The following GRM8 variants were observed in gnomAD, a reference collection of about 807,000 sequenced individuals.
GRM8 encodes the protein glutamate metabotropic receptor 8, also known as metabotropic glutamate receptor 8.
In GRM8, 47 loss-of-function variants were observed where a neutral mutation model predicts 87.2. That is an observed-to-expected ratio of 0.54 (90% CI 0.43 to 0.69). The LOEUF (loss-of-function observed/expected upper bound fraction) is 0.69, where lower values mean the gene tolerates loss of function less well. Among genes scored for constraint, GRM8 ranks in the 30% least tolerant of loss-of-function variants. GRM8 has a pLI of 0.00. For synonymous variants in GRM8, 396 were observed against 404.5 expected (o/e 0.98, Z 0.25); for missense variants, 1,019 against 1,139.2 (o/e 0.89, Z 1.52).
intron 6 of GRM8, among the ~76,000 whole-genome samples, chr7:126,844,279 T>C (rs1281344649): frequency 6.6e-6 from 1 of 152,196 alleles, no homozygotes; most frequent in Admixed American, 6.5e-5. Flanking sequence ...CCAAATTATT[T>C]AGCCCTTTCA....
rs140085929 is a variant in GRM8 at position 126,520,414 on chromosome 7, G to A, written c.2430+12538C>T. On this transcript the variant is annotated intron_variant, in intron 9 of 10. Transcript: ENST00000339582. Reference sequence around the variant, plus strand: ...GGTTTTGGATTGCTTTCTGATCCCAGTTTTGGATTGTTTTAGTTCACATTT... The same window carrying A: ...GGTTTTGGATTGCTTTCTGATCCCAATTTTGGATTGTTTTAGTTCACATTT... Among the ~76,000 whole-genome samples, 42 of 152,160 alleles carry A rather than the reference G, an allele frequency of 2.8e-4. No individual in the cohort carries two copies. In the East Asian group the frequency reaches 6.8e-3, roughly 24 times the overall value.
Position 126,488,825 on chromosome 7 carries a change from A to C in GRM8, c.2431-42453T>G, listed in dbSNP as rs555080976. On this transcript the variant is annotated intron_variant, in intron 9 of 10. Transcript: ENST00000339582. ...CTGCACAGTTATGCATATGATAATGATGATAATATCTTGAATTTTATAAAT... is the reference window on the plus strand; with the variant it reads ...CTGCACAGTTATGCATATGATAATGCTGATAATATCTTGAATTTTATAAAT... 1.1e-3 allele frequency among the ~76,000 whole-genome samples: 166 copies of C among 152,134 alleles called. 1 individual carries two copies. The highest frequency in any genetic ancestry group is 3.8e-3 in the African/African-American group (156 of 41,566).
intron 3 of GRM8, among the ~76,000 whole-genome samples, chr7:126,925,182 T>C (rs1401795137): frequency 6.6e-6 from 1 of 152,212 alleles, no homozygotes; most frequent in African/African-American, 2.4e-5. Context: ...GGATTTCTTC[T>C]ATTTTTCTGC....
intron 3 of GRM8, among the ~76,000 whole-genome samples, chr7:126,985,514 CAGAAT>C (rs1811967822): frequency 6.6e-6 from 1 of 152,164 alleles, no homozygotes. Context: ...TTGCTTATAA[CAGAAT>C]ACCTGAAACT....
At chr7:126,825,647 A>C (rs1794693858) in intron 6 of GRM8, among the ~76,000 whole-genome samples, 1 of 152,174 alleles carries the variant, frequency 6.6e-6, no homozygotes, top group South Asian at 2.1e-4. Flanking sequence ...ACCAAGAAAA[A>C]AAGTTGTAAC....
chr7:126,525,402 T>C (rs1813678800), intron 9 of GRM8, among the ~76,000 whole-genome samples: 1 of 152,226 alleles, frequency 6.6e-6, no homozygotes, highest in Non-Finnish European at 1.5e-5. Context: ...CCTCACATAA[T>C]TCCCATTTTT....
chr7:127,037,404 G>C (rs941732965), intron 3 of GRM8, among the ~76,000 whole-genome samples: 1 of 152,090 alleles, frequency 6.6e-6, no homozygotes, highest in African/African-American at 2.4e-5. Flanking sequence ...CCAAGGAAGA[G>C]CCCAGGTCTC....
At chr7:126,511,136 T>G (rs1811312681) in intron 9 of GRM8, 1 of 152,086 alleles carries the variant, frequency 6.6e-6, no homozygotes, top group African/African-American at 2.4e-5. Flanking sequence ...TGTAGGGAGA[T>G]CAGTACTGCC....
chr7:126,729,052 A>G (rs934435082), intron 7 of GRM8, among the ~76,000 whole-genome samples: 5 of 152,072 alleles, frequency 3.3e-5, no homozygotes, highest in African/African-American at 7.3e-5. Flanking sequence ...CCTGCCATAA[A>G]GGCTTCACAG....
intron 7 of GRM8, among the ~76,000 whole-genome samples, chr7:126,712,085 CTG>C (rs1228162356): frequency 9.8e-5 from 15 of 152,308 alleles, no homozygotes; most frequent in Admixed American, 7.8e-4. Context: ...AGCTTTCGCC[CTG>C]TCTCAGCTTT....
intron 2 of GRM8, among the ~76,000 whole-genome samples, chr7:127,165,124 T>C (rs1793355973): frequency 9.0e-6 from 1 of 110,806 alleles, no homozygotes; most frequent in Admixed American, 1.1e-4. Context: ...GAGAGGCAGA[T>C]AATAAACATG....
At chr7:126,984,875 A>C (rs1811891973) in intron 3 of GRM8, among the ~76,000 whole-genome samples, 1 of 152,162 alleles carries the variant, frequency 6.6e-6, no homozygotes, top group Non-Finnish European at 1.5e-5. Context: ...AAGAATTATA[A>C]CCTGTTTGGT....
intron 6 of GRM8, among the ~76,000 whole-genome samples, chr7:126,836,698 C>A (rs531613199): frequency 6.6e-6 from 1 of 152,228 alleles, no homozygotes; most frequent in Non-Finnish European, 1.5e-5. Flanking sequence ...GCCTGCCCCA[C>A]ATTCTGAATC....
chr7:127,070,953 T>C (rs547965755), intron 3 of GRM8, among the ~76,000 whole-genome samples: 22 of 152,286 alleles, frequency 1.4e-4, no homozygotes, highest in African/African-American at 5.1e-4. Context: ...AAACAGGCCA[T>C]TTCATCTTCA....
intron 3 of GRM8, among the ~76,000 whole-genome samples, chr7:127,022,517 G>C (rs1816377337): frequency 6.6e-6 from 1 of 151,988 alleles, no homozygotes; most frequent in Non-Finnish European, 1.5e-5. Flanking sequence ...GAGGCATGGG[G>C]GTGGAGGGAG....
At chr7:126,652,950 T>C (rs1221067039) in intron 7 of GRM8, among the ~76,000 whole-genome samples, 3 of 152,076 alleles carry the variant, frequency 2.0e-5, no homozygotes, top group Non-Finnish European at 4.4e-5. Flanking sequence ...CAGTGACATA[T>C]GTAACTCAGT....
chr7:126,662,749 A>G (rs1348034483), intron 7 of GRM8, among the ~76,000 whole-genome samples: 1 of 152,096 alleles, frequency 6.6e-6, no homozygotes, highest in Non-Finnish European at 1.5e-5. Context: ...TTCTTTTTAA[A>G]GTGCCATCCA....
chr7:126,855,595 C>A (rs1481364201), intron 6 of GRM8, among the ~76,000 whole-genome samples: 1 of 151,804 alleles, frequency 6.6e-6, no homozygotes, highest in South Asian at 2.1e-4. Context: ...CCTGTCTCAG[C>A]ATCCTCAGTA....
intron 2 of GRM8, among the ~76,000 whole-genome samples, chr7:127,128,461 A>C (rs1330350844): frequency 6.6e-6 from 1 of 152,130 alleles, no homozygotes; most frequent in Non-Finnish European, 1.5e-5. Flanking sequence ...GCTATCCACT[A>C]GGAAACCTGC....
Sources: gnomAD v4.1 joint callset for allele counts (sites outside exome capture counted in the v4.1 genomes callset) on GRCh38, gnomAD v4.1.1 for gene constraint, MANE v1.5 for transcripts, NCBI Gene and HGNC (gene_info 2026-07-23, HGNC 2026-07-21) for gene names.